Variants in TNFRSF8 observed in about 807,000 individuals in gnomAD.
TNFRSF8 encodes TNF receptor superfamily member 8.
TNFRSF8 carries 26 observed loss-of-function variants against 70.8 expected under a neutral mutation model. That is an observed-to-expected ratio of 0.37 (90% CI 0.27 to 0.51). The LOEUF (loss-of-function observed/expected upper bound fraction) is 0.51, where lower values mean the gene tolerates loss of function less well. TNFRSF8 is among the 20% of genes least tolerant of loss of function. TNFRSF8 has a pLI of 0.94. For missense variants in TNFRSF8, 720 were observed against 807.9 expected (o/e 0.89, Z 1.32); for synonymous variants, 356 against 339.2 (o/e 1.05, Z -0.54).
rs758531140 is a variant in TNFRSF8, at chr1:12,110,106, C to T, written c.578C>T (p.Pro193Leu). 6.2e-7 allele frequency: 1 copy of T among 1,613,384 alleles called. No homozygotes were observed. The highest frequency in any genetic ancestry group is 8.5e-7 in the Non-Finnish European group (1 of 1,179,664). Residue 193 changes from proline to leucine, a missense_variant, in exon 6 of 15, where the codon CCT becomes CTT. Transcript: ENST00000263932. This position sits in a 1 kb window ranked among gnomAD's most constrained non-coding sequence, Gnocchi z 4.0. ...SPATSSASTMPVRGGTRLAQE... is the reference protein window; with the variant it reads ...SPATSSASTMLVRGGTRLAQE... Reference sequence around the variant, plus strand: ...GCAACCTCCAGTGCCAGCACCATGCCTGTAAGAGGGGGCACCCGCCTCGCC... The same window carrying T: ...GCAACCTCCAGTGCCAGCACCATGCTTGTAAGAGGGGGCACCCGCCTCGCC...
In TNFRSF8 at chr1:12,084,355, C is replaced by A. The variant is rs11569818; in HGVS notation, c.64-109C>A. ...GAATCAGGAGTTCTCGTCCTGATTT[C>A]TCTCCTATATTACAAAGCTCCGTCT... On this transcript the variant is annotated intron_variant, in intron 1 of 14. Transcript: ENST00000263932. The A allele has an allele frequency of 4.1e-3, 3,932 of 962,006 alleles. 93 individuals carry two copies. The African/African-American group carries it at 0.053, about 13-fold the overall frequency. The allele number at this position is 962,006 out of a possible 1,614,324, so 59.6% of individuals were successfully genotyped here. A position where few individuals can be genotyped will look rare whatever the true frequency, so the allele number is the denominator to read the frequency against.
intron 4 of TNFRSF8, among the ~76,000 whole-genome samples, chr1:12,106,761 A>G (rs1641531195): frequency 6.6e-6 from 1 of 151,764 alleles, no homozygotes; most frequent in Admixed American, 6.6e-5. Flanking sequence ...GGCAGCAGAT[A>G]CCTAGGATTT....
intron 2 of TNFRSF8, among the ~76,000 whole-genome samples, chr1:12,095,438 C>T (rs933461307): frequency 4.6e-5 from 7 of 152,094 alleles, no homozygotes; most frequent in African/African-American, 1.7e-4. Flanking sequence ...CAGGCGCCTG[C>T]CACGACACCC....
chr1:12,118,467 C>A (rs1281036966), intron 8 of TNFRSF8, among the ~76,000 whole-genome samples: 1 of 152,120 alleles, frequency 6.6e-6, no homozygotes, highest in Non-Finnish European at 1.5e-5. Context: ...GAAAAACCAG[C>A]CCTACAAAGG....
At position 12,141,597 on chromosome 1, in the gene TNFRSF8, G is replaced by A. The variant is rs547278135; in HGVS notation, c.1544-690G>A. Among the ~76,000 whole-genome samples the A allele has an allele frequency of 6.6e-6, 1 of 152,380 alleles. No individual in the cohort carries two copies. Among genetic ancestry groups the A allele is most frequent in the African/African-American group, 2.4e-5 (1 of 41,594 alleles). The stretch of plus-strand genomic sequence containing the variant: ...GCTGCCGAGACCTATTGAGGGGGCC[G>A]GGTTTTCTGCAGGATGTGACAGGCT... On this transcript the variant is annotated intron_variant, in intron 14 of 14. Transcript: ENST00000263932. The surrounding 1 kb of genome is among the most constrained non-coding windows in gnomAD (Gnocchi z 5.4).
rs545537221 is a variant in TNFRSF8, at chr1:12,088,146, G to A, written c.151+3595G>A. 1.8e-4 allele frequency among the ~76,000 whole-genome samples: 27 copies of A among 152,164 alleles called. 2 individuals carry two copies. Among genetic ancestry groups the A allele is most frequent in the South Asian group, 1.7e-3 (8 of 4,818 alleles). On this transcript the variant is annotated intron_variant, in intron 2 of 14. Coordinates refer to ENST00000263932, the MANE Select transcript of TNFRSF8 (RefSeq NM_001243.5). The surrounding 1 kb of genome is among the most constrained non-coding windows in gnomAD (Gnocchi z 4.0). ...GAGATTGAAAAATGTAGATGTCATC[G>A]AATCCCTCCTTGCACCCAGGCCTGT...
In TNFRSF8 at chr1:12,119,014, G is replaced by A. The variant is rs550635041; in HGVS notation, c.946+3285G>A. Among the ~76,000 whole-genome samples, 67 of 152,162 alleles carry A rather than the reference G, an allele frequency of 4.4e-4. No homozygotes were observed. The highest frequency in any genetic ancestry group is 5.8e-4 in the African/African-American group (24 of 41,502). The stretch of plus-strand genomic sequence containing the variant: ...TGAGTAGCTGGGATTACAGGCACGC[G>A]CCACCACGCCTGGCTAATTTTTGTA... On this transcript the variant is annotated intron_variant, in intron 8 of 14. Transcript: ENST00000263932. This position sits in a 1 kb window ranked among gnomAD's most constrained non-coding sequence, Gnocchi z 4.4.
chr1:12,063,385 G>GGTTC lies in TNFRSF8; in HGVS notation c.-214_-213insGTTC, dbSNP rs1640680298. On this transcript the variant is annotated 5_prime_UTR_variant, in exon 1 of 15. Coordinates refer to ENST00000263932, the MANE Select transcript of TNFRSF8 (RefSeq NM_001243.5). This position sits in a 1 kb window ranked among gnomAD's most constrained non-coding sequence, Gnocchi z 7.2. ...TTCCTGGAACCAATTTGATACGGGA[G>GGTTC]AACTAAGGCTGAAACCTCGGAGGAA... 2.5e-6 allele frequency: 1 copy of GGTTC among 397,558 alleles called. No individual in the cohort carries two copies. Among genetic ancestry groups the GGTTC allele is most frequent in the Non-Finnish European group, 4.4e-6 (1 of 226,820 alleles). The allele number at this position is 397,558 out of a possible 1,614,324, so 24.6% of individuals were successfully genotyped here.
rs896785328 is a variant in TNFRSF8, at chr1:12,119,594, T to C, written c.947-3690T>C. 6.6e-6 allele frequency among the ~76,000 whole-genome samples: 1 copy of C among 151,722 alleles called. No individual in the cohort carries two copies. The highest frequency in any genetic ancestry group is 1.5e-5 in the Non-Finnish European group (1 of 67,988). The stretch of plus-strand genomic sequence containing the variant: ...AACATGTATGAATTTATCTTATATC[T>C]TTTATTATTATTTTTATTATTTTTA... On this transcript the variant is annotated intron_variant, in intron 8 of 14. Transcript: ENST00000263932. This position sits in a 1 kb window ranked among gnomAD's most constrained non-coding sequence, Gnocchi z 4.4.
At chr1:12,083,834 C>T (rs753991748) in intron 1 of TNFRSF8, among the ~76,000 whole-genome samples, 2 of 152,260 alleles carry the variant, frequency 1.3e-5, no homozygotes, top group South Asian at 2.1e-4. Context: ...TTAAAGAGGC[C>T]GATTGCAGGG....
chr1:12,074,407 G>A (rs949473255), intron 1 of TNFRSF8, among the ~76,000 whole-genome samples: 1 of 151,968 alleles, frequency 6.6e-6, no homozygotes, highest in African/African-American at 2.4e-5. Context: ...AGCCTCCTGA[G>A]TAGCTGGGAT....
rs909912243 is a variant in TNFRSF8, at chr1:12,092,435, A to G, written c.152-4666A>G. Reference sequence around the variant, plus strand: ...TGATCCTTCCATTTCAGCCTCCTAAAGTGTTGGGATTACAGGCATGAGTTA... The same window carrying G: ...TGATCCTTCCATTTCAGCCTCCTAAGGTGTTGGGATTACAGGCATGAGTTA... On this transcript the variant is annotated intron_variant, in intron 2 of 14. Transcript: ENST00000263932. Among the ~76,000 whole-genome samples, 12 of 151,442 alleles carry G rather than the reference A, an allele frequency of 7.9e-5. 1 individual carries two copies. Among genetic ancestry groups the G allele is most frequent in the Non-Finnish European group, 1.8e-4 (12 of 67,930 alleles).
intron 2 of TNFRSF8, among the ~76,000 whole-genome samples, chr1:12,090,852 C>A (rs917711388): frequency 2.0e-5 from 3 of 152,134 alleles, no homozygotes; most frequent in Non-Finnish European, 4.4e-5. Flanking sequence ...GCCCGTATCC[C>A]CCAACCAATT....
rs1347804650 is a variant in TNFRSF8 at position 12,119,961 on chromosome 1, A to T, written c.947-3323A>T. ...GAAGCACAGGGCCGAAGCTAGAACCAGAATGCAGGGATCCCAAGGGTCAGC... is the reference window on the plus strand; with the variant it reads ...GAAGCACAGGGCCGAAGCTAGAACCTGAATGCAGGGATCCCAAGGGTCAGC... On this transcript the variant is annotated intron_variant, in intron 8 of 14. Coordinates refer to ENST00000263932, the MANE Select transcript of TNFRSF8 (RefSeq NM_001243.5). This position sits in a 1 kb window ranked among gnomAD's most constrained non-coding sequence, Gnocchi z 4.4. 6.6e-6 allele frequency among the ~76,000 whole-genome samples: 1 copy of T among 152,198 alleles called. No individual in the cohort carries two copies. Among genetic ancestry groups the T allele is most frequent in the Non-Finnish European group, 1.5e-5 (1 of 68,026 alleles).
At chr1:12,116,706 A>G (rs1641737334) in intron 8 of TNFRSF8, among the ~76,000 whole-genome samples, 1 of 152,172 alleles carries the variant, frequency 6.6e-6, no homozygotes, top group Non-Finnish European at 1.5e-5. Context: ...AGGTTGAGGC[A>G]GGAGAATCGC....
intron 2 of TNFRSF8, among the ~76,000 whole-genome samples, chr1:12,089,510 G>A (rs1641210669): frequency 6.6e-6 from 1 of 152,076 alleles, no homozygotes; most frequent in African/African-American, 2.4e-5. Flanking sequence ...AATCCACCAG[G>A]GTTCTTTTGT....
intron 12 of TNFRSF8, among the ~76,000 whole-genome samples, chr1:12,131,828 C>T (rs1228535107): frequency 6.6e-6 from 1 of 151,772 alleles, no homozygotes. Flanking sequence ...GAGTCTCGCT[C>T]TGTTGCCCAG....
Position 12,063,463 on chromosome 1 carries a change from C to A in TNFRSF8, c.-136C>A. 1.5e-6 allele frequency: 1 copy of A among 684,060 alleles called. No homozygotes were observed. 42.4% of individuals were successfully genotyped at this position (684,060 alleles called of 1,614,324 possible). The stretch of plus-strand genomic sequence containing the variant: ...GTGCGTTGGGTGCGGACTAGGTGGC[C>A]GCGGCGGGAGTGTGCTGGAGCCTGA... On this transcript the variant is annotated 5_prime_UTR_variant, in exon 1 of 15. Transcript: ENST00000263932. This position sits in a 1 kb window ranked among gnomAD's most constrained non-coding sequence, Gnocchi z 7.2.
At chr1:12,076,909 C>T (rs753576327) in intron 1 of TNFRSF8, among the ~76,000 whole-genome samples, 4 of 152,144 alleles carry the variant, frequency 2.6e-5, no homozygotes, top group South Asian at 2.1e-4. Flanking sequence ...GAGGGTGTGG[C>T]GGTAGACGCA....
Sources: gnomAD v4.1 joint callset for allele counts (sites outside exome capture counted in the v4.1 genomes callset) on GRCh38, gnomAD v4.1.1 for gene constraint, Gnocchi (gnomAD v3.1) non-coding constraint, MANE v1.5 for transcripts, NCBI Gene and HGNC (gene_info 2026-07-23, HGNC 2026-07-21) for gene names.